The following DISP1 variants were observed in gnomAD, a reference collection of about 807,000 sequenced individuals.
DISP1 encodes the protein dispatched RND transporter family member 1.
In DISP1, 30 loss-of-function variants were observed where a neutral mutation model predicts 37.3. The ratio of observed to expected loss-of-function variants is 0.80; its 90% CI spans 0.60 to 1.09. DISP1 has a LOEUF of 1.09. Among genes scored for constraint, DISP1 ranks in the 50% least tolerant of loss-of-function variants. DISP1 has a pLI of 0.00. For missense variants in DISP1, 1,598 were observed against 1,879.5 expected (o/e 0.85, Z 2.77); for synonymous variants, 634 against 690.2 (o/e 0.92, Z 1.28).
At chr1:222,898,336 C>T (rs996037393) in intron 1 of DISP1, among the ~76,000 whole-genome samples, 2 of 151,998 alleles carry the variant, frequency 1.3e-5, no homozygotes, top group Non-Finnish European at 2.9e-5. Flanking sequence ...AACACAGTTA[C>T]TGAAGTATCA....
At chr1:222,874,894 C>G (rs892689483) in intron 1 of DISP1, among the ~76,000 whole-genome samples, 7 of 152,074 alleles carry the variant, frequency 4.6e-5, no homozygotes, top group Non-Finnish European at 8.8e-5. Flanking sequence ...GTGGTTTTAT[C>G]TATCTTTGGT....
chr1:222,983,636 C>T (rs988425620), intron 4 of DISP1, among the ~76,000 whole-genome samples: 7 of 151,950 alleles, frequency 4.6e-5, no homozygotes, highest in East Asian at 1.9e-4. Flanking sequence ...AATATTTGTG[C>T]GTAAACATTT....
At chr1:222,970,376 C>T (rs1307513117) in intron 3 of DISP1, among the ~76,000 whole-genome samples, 3 of 152,080 alleles carry the variant, frequency 2.0e-5, no homozygotes, top group Non-Finnish European at 2.9e-5. Flanking sequence ...AAGTCTGTCT[C>T]TAGCCGTTCA....
At chr1:222,873,064 T>G (rs1669682632) in intron 1 of DISP1, among the ~76,000 whole-genome samples, 4 of 152,188 alleles carry the variant, frequency 2.6e-5, no homozygotes, top group Admixed American at 2.6e-4. Flanking sequence ...GTTGTTCAGT[T>G]TCCATGTAGT....
At chr1:222,878,773 T>C (rs1476551048) in intron 1 of DISP1, among the ~76,000 whole-genome samples, 2 of 152,172 alleles carry the variant, frequency 1.3e-5, no homozygotes, top group Admixed American at 1.3e-4. Context: ...TGTCTATAGG[T>C]TTTGTAAGTT....
chr1:222,975,843 A>G (rs1677279976), intron 3 of DISP1, among the ~76,000 whole-genome samples: 1 of 152,230 alleles, frequency 6.6e-6, no homozygotes, highest in Non-Finnish European at 1.5e-5. Context: ...TAAAAAACAG[A>G]TATGAGCTTA....
At chr1:222,872,984 T>C (rs887278963) in intron 1 of DISP1, among the ~76,000 whole-genome samples, 8 of 152,044 alleles carry the variant, frequency 5.3e-5, no homozygotes, top group Non-Finnish European at 8.8e-5. Flanking sequence ...TCTTTGTTCT[T>C]GTTGGTTTCA....
intron 3 of DISP1, among the ~76,000 whole-genome samples, chr1:222,975,695 T>C (rs1677264469): frequency 6.6e-6 from 1 of 152,222 alleles, no homozygotes; most frequent in South Asian, 2.1e-4. Flanking sequence ...CTGATACATG[T>C]ACACATACCG....
At chr1:222,938,907 A>G (rs897324414) in intron 2 of DISP1, among the ~76,000 whole-genome samples, 1 of 152,132 alleles carries the variant, frequency 6.6e-6, no homozygotes, top group Non-Finnish European at 1.5e-5. Flanking sequence ...AAATGCATCC[A>G]TTGAACTTAA....
intron 1 of DISP1, among the ~76,000 whole-genome samples, chr1:222,909,760 C>T (rs961926007): frequency 6.6e-6 from 1 of 152,250 alleles, no homozygotes; most frequent in Non-Finnish European, 1.5e-5. Flanking sequence ...AGGCCTGGAA[C>T]TCTGAGCCTG....
At chr1:222,944,735 C>T (rs893951855) in intron 3 of DISP1, among the ~76,000 whole-genome samples, 1 of 152,214 alleles carries the variant, frequency 6.6e-6, no homozygotes, top group Non-Finnish European at 1.5e-5. Flanking sequence ...TGGAATCATA[C>T]AGTATGCACT....
At chr1:222,871,051 C>T (rs1229609909) in intron 1 of DISP1, among the ~76,000 whole-genome samples, 1 of 152,098 alleles carries the variant, frequency 6.6e-6, no homozygotes, top group African/African-American at 2.4e-5. Flanking sequence ...ATAGGGAATC[C>T]TTTCCCCATT....
At chr1:222,843,481 T>C (rs1433331127) in intron 1 of DISP1, among the ~76,000 whole-genome samples, 1 of 151,736 alleles carries the variant, frequency 6.6e-6, no homozygotes, top group Non-Finnish European at 1.5e-5. Flanking sequence ...CGTAAAAATT[T>C]ACTGAGTGAT....
At chr1:222,851,100 C>A (rs1668206997) in intron 1 of DISP1, among the ~76,000 whole-genome samples, 1 of 129,258 alleles carries the variant, frequency 7.7e-6, no homozygotes, top group Non-Finnish European at 1.6e-5. Flanking sequence ...AGTTTCCACT[C>A]TTGTTGCCCA....
Position 223,003,581 on chromosome 1 carries a change from A to G in DISP1, c.2184A>G (p.Leu728=). The part of the protein sequence containing the change: ...RYLWLFWFLA[L]TVGGAYIVCI... ...TTTGGCTGTTTTGGTTCCTTGCCTT[A>G]ACTGTAGGTGGGGCCTACATTGTAT... Residue 728 remains leucine, a synonymous_variant, in exon 9 of 9, where the codon TTA becomes TTG. Coordinates refer to ENST00000675850, the MANE Select transcript of DISP1 (RefSeq NM_001377229.1). The surrounding 1 kb of genome is among the most constrained non-coding windows in gnomAD (Gnocchi z 4.3). 6.2e-7 allele frequency: 1 copy of G among 1,614,208 alleles called. No homozygotes were observed. Among genetic ancestry groups the G allele is most frequent in the African/African-American group, 1.3e-5 (1 of 75,052 alleles).
chr1:222,996,824 T>A (rs1388742163), intron 8 of DISP1, among the ~76,000 whole-genome samples: 3 of 152,150 alleles, frequency 2.0e-5, no homozygotes, highest in Non-Finnish European at 2.9e-5. Flanking sequence ...CCTCCCCCGT[T>A]TTGTTTCCTG....
intron 8 of DISP1, among the ~76,000 whole-genome samples, chr1:222,997,093 T>C (rs1282292621): frequency 6.6e-6 from 1 of 150,898 alleles, no homozygotes; most frequent in Non-Finnish European, 1.5e-5. Context: ...ACATGATTTA[T>C]ATAGATAGAT....
At chr1:222,984,853 T>A (rs968333648) in intron 4 of DISP1, among the ~76,000 whole-genome samples, 1 of 152,208 alleles carries the variant, frequency 6.6e-6, no homozygotes. Context: ...TGGGTTTGAC[T>A]GCTGTAAGTA....
chr1:222,882,202 C>T (rs1670320442), intron 1 of DISP1, among the ~76,000 whole-genome samples: 1 of 152,036 alleles, frequency 6.6e-6, no homozygotes, highest in South Asian at 2.1e-4. Flanking sequence ...GGAGTGTTTA[C>T]CATATGTATT....
Sources: gnomAD v4.1 joint callset for allele counts (sites outside exome capture counted in the v4.1 genomes callset) on GRCh38, gnomAD v4.1.1 for gene constraint, Gnocchi (gnomAD v3.1) non-coding constraint, MANE v1.5 for transcripts, NCBI Gene and HGNC (gene_info 2026-07-23, HGNC 2026-07-21) for gene names.